CAPS2: variants seen among roughly 807,000 people sequenced by gnomAD.
CAPS2 encodes the protein calcyphosine 2.
A neutral mutation model predicts 86.5 loss-of-function variants in CAPS2; 98 were observed. That is an observed-to-expected ratio of 1.13 (90% CI 0.96 to 1.34). CAPS2 has a LOEUF of 1.34. Among genes scored for constraint, CAPS2 ranks in the 40% most tolerant of loss-of-function variants. The pLI, the probability that CAPS2 is intolerant of heterozygous loss-of-function variation, is 0.00. For synonymous variants in CAPS2, 210 were observed against 225.1 expected (o/e 0.93, Z 0.60); for missense variants, 729 against 686.8 (o/e 1.06, Z -0.69).
chr12:75,382,660 T>C (rs2045066156), intron 1 of CAPS2, among the ~76,000 whole-genome samples: 1 of 151,240 alleles, frequency 6.6e-6, no homozygotes, highest in African/African-American at 2.4e-5. Flanking sequence ...AGAAGAAGAA[T>C]TTTAAAAAAT....
chr12:75,378,300 G>A (rs1376658319), intron 1 of CAPS2, among the ~76,000 whole-genome samples: 1 of 152,100 alleles, frequency 6.6e-6, no homozygotes, highest in Non-Finnish European at 1.5e-5. Flanking sequence ...GCGCCTGGCC[G>A]ATTGGTGCTA....
At chr12:75,303,829 TAGAG>T (rs1297883570) in intron 8 of CAPS2, among the ~76,000 whole-genome samples, 1 of 152,074 alleles carries the variant, frequency 6.6e-6, no homozygotes, top group East Asian at 1.9e-4. Flanking sequence ...TGGAGGAACA[TAGAG>T]AGAAATGTAT....
intron 8 of CAPS2, among the ~76,000 whole-genome samples, chr12:75,303,632 A>G (rs1282997010): frequency 6.6e-6 from 1 of 152,226 alleles, no homozygotes; most frequent in Non-Finnish European, 1.5e-5. Flanking sequence ...TAAAAAGGAC[A>G]GTTTAGATGT....
At chr12:75,300,189 G>A (rs976958594) in intron 8 of CAPS2, among the ~76,000 whole-genome samples, 3 of 152,184 alleles carry the variant, frequency 2.0e-5, no homozygotes, top group South Asian at 2.1e-4. Context: ...CAACATTTGC[G>A]ACTGGCACTG....
At chr12:75,322,918 C>A in intron 4 of CAPS2, 1 of 982,654 alleles carries the variant, frequency 1.0e-6, no homozygotes, top group Non-Finnish European at 1.6e-6. Flanking sequence ...ATAGACTGAA[C>A]ATAATAAATA....
At chr12:75,331,953 A>T (rs1364193239), upstream of CAPS2, among the ~76,000 whole-genome samples, 1 of 152,212 alleles carries the variant, frequency 6.6e-6, no homozygotes, top group East Asian at 1.9e-4. Context: ...GTTCAAGAAA[A>T]TAACATTAGG....
intron 1 of CAPS2, among the ~76,000 whole-genome samples, chr12:75,386,528 G>A (rs551478979): frequency 2.6e-5 from 4 of 152,068 alleles, no homozygotes; most frequent in Non-Finnish European, 2.9e-5. Flanking sequence ...TACCAATCCT[G>A]TGATAATGGC....
chr12:75,357,610 T>C (rs1037151769), intron 1 of CAPS2, among the ~76,000 whole-genome samples: 3 of 152,080 alleles, frequency 2.0e-5, no homozygotes, highest in South Asian at 2.1e-4. Context: ...TGCTATGTCA[T>C]AAAACAGATC....
intron 7 of CAPS2, 62 bp from the exon 8 acceptor site, chr12:75,304,938 A>C: frequency 1.3e-6 from 2 of 1,537,774 alleles, no homozygotes; most frequent in Non-Finnish European, 8.9e-7. Context: ...TAAAATTCAC[A>C]TATTTATAAG....
chr12:75,283,367 C>T (rs533914516), intron 15 of CAPS2, among the ~76,000 whole-genome samples: 5 of 152,294 alleles, frequency 3.3e-5, no homozygotes, highest in Admixed American at 2.6e-4. Flanking sequence ...TGTAGATTGA[C>T]TTGTGTTCCT....
At chr12:75,288,004 CT>C (rs1253542864) in intron 14 of CAPS2, among the ~76,000 whole-genome samples, 1 of 152,276 alleles carries the variant, frequency 6.6e-6, no homozygotes, top group East Asian at 1.9e-4. Flanking sequence ...GTTTCTACAG[CT>C]TGGTATGGGT....
At chr12:75,334,533 TTGTGGAAGGGGAACCCTGCTGCC>T (rs1430780092), upstream of CAPS2, 12 of 1,394,244 alleles carry the variant, frequency 8.6e-6, no homozygotes, top group African/African-American at 1.6e-4. Flanking sequence ...GCTCAGAGCT[TTGTGGAAGGGGAACCCTGCTGCC>T]TGTTCTTCCC....
intron 1 of CAPS2, among the ~76,000 whole-genome samples, chr12:75,346,915 T>C (rs531708848): frequency 1.4e-4 from 22 of 152,270 alleles, no homozygotes; most frequent in Admixed American, 8.5e-4. Context: ...AGTAAACCAG[T>C]ATTTTTTTCC....
exon 3 of CAPS2, chr12:75,323,196 A>G: frequency 6.5e-7 from 1 of 1,544,224 alleles, no homozygotes. Flanking sequence ...AGAGTCAACA[A>G]GGCTTCCCAA....
At chr12:75,347,809 T>C (rs867298528) in intron 1 of CAPS2, 8 of 688,940 alleles carry the variant, frequency 1.2e-5, no homozygotes, top group Non-Finnish European at 1.9e-5. Flanking sequence ...TAGACACAAG[T>C]GTATTTTTGA....
intron 1 of CAPS2, among the ~76,000 whole-genome samples, chr12:75,359,589 A>C (rs1035429544): frequency 6.6e-6 from 1 of 151,674 alleles, no homozygotes; most frequent in Non-Finnish European, 1.5e-5. Flanking sequence ...AGTTATTAAA[A>C]CTGTAAAATA....
At chr12:75,350,867 AG>A (rs1357352506) in intron 1 of CAPS2, among the ~76,000 whole-genome samples, 20 of 152,218 alleles carry the variant, frequency 1.3e-4, no homozygotes, top group African/African-American at 4.8e-4. Context: ...TGACAAAAAT[AG>A]GGTTCAGAAG....
At chr12:75,381,004 T>C (rs2044933530) in intron 1 of CAPS2, among the ~76,000 whole-genome samples, 1 of 152,188 alleles carries the variant, frequency 6.6e-6, no homozygotes, top group African/African-American at 2.4e-5. Context: ...CTCGGATTTA[T>C]ACTCAATTTT....
downstream of CAPS2, chr12:75,276,064 G>T: frequency 1.3e-6 from 1 of 743,608 alleles, no homozygotes; most frequent in Non-Finnish European, 2.0e-6. Context: ...AATAAAAATG[G>T]AACGATATGT....
Sources: gnomAD v4.1 joint callset for allele counts (sites outside exome capture counted in the v4.1 genomes callset) on GRCh38, gnomAD v4.1.1 for gene constraint, MANE v1.5 for transcripts, NCBI Gene and HGNC (gene_info 2026-07-23, HGNC 2026-07-21) for gene names.